CNTNAP2: variants seen among roughly 807,000 people sequenced by gnomAD.
CNTNAP2 encodes contactin-associated protein-like 2.
Under a neutral mutation model 155.2 loss-of-function variants are expected in CNTNAP2, and 98 were observed. That is an observed-to-expected ratio of 0.63 (90% CI 0.54 to 0.75). CNTNAP2 has a LOEUF of 0.75. Ranked by LOEUF, CNTNAP2 falls within the 30% of genes least tolerant of loss-of-function variation. The pLI, the probability that CNTNAP2 is intolerant of heterozygous loss-of-function variation, is 0.00. For missense variants in CNTNAP2, 1,727 were observed against 1,688.1 expected (o/e 1.02, Z -0.40); for synonymous variants, 651 against 631.2 (o/e 1.03, Z -0.47).
chr7:147,779,399 C>T (rs948533506), intron 13 of CNTNAP2, among the ~76,000 whole-genome samples: 17 of 151,758 alleles, frequency 1.1e-4, no homozygotes, highest in African/African-American at 3.9e-4. Flanking sequence ...TCATGTTGGT[C>T]GTAATGTTTA....
At chr7:146,170,013 CT>C (rs370391675) in intron 1 of CNTNAP2, among the ~76,000 whole-genome samples, 1 of 135,708 alleles carries the variant, frequency 7.4e-6, no homozygotes, top group Non-Finnish European at 1.6e-5. Flanking sequence ...GACTTCCTTT[CT>C]TTTCTTTTTT....
intron 2 of CNTNAP2, among the ~76,000 whole-genome samples, chr7:146,836,014 G>C (rs1803609978): frequency 1.3e-5 from 2 of 151,998 alleles, no homozygotes; most frequent in Non-Finnish European, 2.9e-5. Flanking sequence ...TTTAACCCAG[G>C]AAATTCCTGA....
At chr7:146,805,251 C>T (rs190374858) in intron 2 of CNTNAP2, among the ~76,000 whole-genome samples, 203 of 152,178 alleles carry the variant, frequency 1.3e-3, no homozygotes, top group Non-Finnish European at 2.3e-3. Flanking sequence ...TTACATGGCC[C>T]GCATTCCTTG....
chr7:147,270,269 G>C (rs1461194470), intron 8 of CNTNAP2, among the ~76,000 whole-genome samples: 1 of 152,148 alleles, frequency 6.6e-6, no homozygotes, highest in African/African-American at 2.4e-5. Flanking sequence ...TCCAGATTGA[G>C]ATGAGCTTCC....
rs577235194 is a variant in CNTNAP2, at chr7:146,399,418, T to C, written c.97+282445T>C. On this transcript the variant is annotated intron_variant, in intron 1 of 23. Transcript: ENST00000361727. ...ATGACTCCATTTATACATGAGATCA[T>C]GCTGTATTTGTCTTTCTGTGCCGGA... Among the ~76,000 whole-genome samples the C allele has an allele frequency of 1.8e-4, 28 of 152,316 alleles. No individual in the cohort carries two copies. The South Asian group carries it at 5.6e-3, about 30-fold the overall frequency.
intron 10 of CNTNAP2, among the ~76,000 whole-genome samples, chr7:147,447,273 T>C (rs13245543): frequency 0.18 from 27,103 of 152,178 alleles, 3,075 homozygotes; most frequent in Non-Finnish European, 0.25. Context: ...TGTGAATATA[T>C]AGATCTACTT....
At chr7:148,383,207 T>TAAAG (rs1554427396) in intron 21 of CNTNAP2, among the ~76,000 whole-genome samples, 8 of 148,194 alleles carry the variant, frequency 5.4e-5, no homozygotes, top group African/African-American at 2.0e-4. Context: ...TTTTTTTTTT[T>TAAAG]AAAGAATTCT....
intron 5 of CNTNAP2, 62 bp downstream of exon 5, chr7:147,108,412 A>T (rs1800810792): frequency 7.4e-7 from 1 of 1,356,424 alleles, no homozygotes; most frequent in African/African-American, 1.5e-5. Context: ...GAATATGTTC[A>T]TGTTGCTCAA....
At chr7:147,798,658 C>T (rs1012709329) in intron 13 of CNTNAP2, among the ~76,000 whole-genome samples, 11 of 152,166 alleles carry the variant, frequency 7.2e-5, no homozygotes, top group Admixed American at 1.3e-4. Context: ...GAATTTCCCT[C>T]TCATTTTATT....
At position 146,911,778 on chromosome 7, in the gene CNTNAP2, C is replaced by T. The variant is rs547958917; in HGVS notation, c.402+71874C>T. Among the ~76,000 whole-genome samples, 274 of 151,840 alleles carry T rather than the reference C, an allele frequency of 1.8e-3. 1 individual carries two copies. Among genetic ancestry groups the T allele is most frequent in the African/African-American group, 6.4e-3 (265 of 41,414 alleles). On this transcript the variant is annotated intron_variant, in intron 3 of 23. Coordinates refer to ENST00000361727, the MANE Select transcript of CNTNAP2 (RefSeq NM_014141.6). ...ATATGTAACTAACCTGCACAATGTG[C>T]ACATGTACCCTAAAACTTAAAGTAT...
At chr7:148,153,020 CAAAAAAAAAAA>C (rs373499312) in intron 17 of CNTNAP2, among the ~76,000 whole-genome samples, 19 of 22,680 alleles carry the variant, frequency 8.4e-4, no homozygotes, top group South Asian at 3.0e-3. Context: ...GACTCCGTCT[CAAAAAAAAAAA>C]AAAAAAAAAA....
In CNTNAP2 at chr7:146,702,386, T is replaced by A. The variant is rs529482706; in HGVS notation, c.98-71885T>A. On this transcript the variant is annotated intron_variant, in intron 1 of 23. Coordinates refer to ENST00000361727, the MANE Select transcript of CNTNAP2 (RefSeq NM_014141.6). ...TTCTATAGAAAAAATTAAGTATTTT[T>A]ATTCTATTAAAAGGGCAGAGAATTG... 1.4e-4 allele frequency among the ~76,000 whole-genome samples: 22 copies of A among 152,286 alleles called. 1 individual carries two copies. In the South Asian group the frequency reaches 4.6e-3, roughly 32 times the overall value.
intron 3 of CNTNAP2, among the ~76,000 whole-genome samples, chr7:147,005,661 C>T (rs1477359092): frequency 6.6e-6 from 1 of 151,968 alleles, no homozygotes; most frequent in East Asian, 1.9e-4. Flanking sequence ...ATGATAAATT[C>T]TATTATGCAG....
chr7:147,641,050 G>A lies in CNTNAP2; in HGVS notation c.2098+1744G>A, dbSNP rs568651921. 2.1e-3 allele frequency among the ~76,000 whole-genome samples: 326 copies of A among 152,292 alleles called. 1 individual carries two copies. Among genetic ancestry groups the A allele is most frequent in the Non-Finnish European group, 3.6e-3 (243 of 68,030 alleles). On this transcript the variant is annotated intron_variant, in intron 13 of 23. Transcript: ENST00000361727. ...CACATGTGAGGGCAAGGAAGAACAG[G>A]GCAGGAATCGCCATGTTTGGGTGGA...
At chr7:147,782,760 C>T (rs1048417008) in intron 13 of CNTNAP2, among the ~76,000 whole-genome samples, 2 of 152,116 alleles carry the variant, frequency 1.3e-5, no homozygotes, top group Non-Finnish European at 2.9e-5. Flanking sequence ...TTCCTCTGAA[C>T]CATAATCATT....
intron 1 of CNTNAP2, among the ~76,000 whole-genome samples, chr7:146,502,878 G>T (rs190084258): frequency 6.6e-6 from 1 of 152,280 alleles, no homozygotes; most frequent in Non-Finnish European, 1.5e-5. Flanking sequence ...GCCTACCAAA[G>T]TGCTGGGATT....
intron 1 of CNTNAP2, among the ~76,000 whole-genome samples, chr7:146,358,453 A>G (rs1486079545): frequency 6.6e-6 from 1 of 152,230 alleles, no homozygotes; most frequent in Non-Finnish European, 1.5e-5. Flanking sequence ...ACTTTAGTCT[A>G]TAGTCCTCAA....
chr7:147,793,516 T>G (rs1353453797), intron 13 of CNTNAP2, among the ~76,000 whole-genome samples: 3 of 152,108 alleles, frequency 2.0e-5, no homozygotes, highest in Non-Finnish European at 4.4e-5. Flanking sequence ...ATATTTCTAT[T>G]TAATTGATCT....
chr7:146,813,724 G>A (rs1442266373), intron 2 of CNTNAP2, among the ~76,000 whole-genome samples: 3 of 152,130 alleles, frequency 2.0e-5, no homozygotes, highest in Non-Finnish European at 2.9e-5. Flanking sequence ...TTTTGGAGGG[G>A]TAAGGAGAGT....
Sources: allele counts gnomAD v4.1 joint callset (sites outside exome capture counted in the v4.1 genomes callset), GRCh38; gene constraint gnomAD v4.1.1; transcripts MANE v1.5; gene names NCBI Gene and HGNC (gene_info 2026-07-23, HGNC 2026-07-21).